The following ASH1L variants were observed in gnomAD, a reference collection of about 807,000 sequenced individuals.
The protein encoded by ASH1L is ASH1 like histone lysine methyltransferase, also known as histone-lysine N-methyltransferase ASH1L.
Under a neutral mutation model 269.0 loss-of-function variants are expected in ASH1L, and 23 were observed. That is an observed-to-expected ratio of 0.09 (90% CI 0.06 to 0.12). The LOEUF is 0.12. Ranked by LOEUF, ASH1L falls within the 10% of genes least tolerant of loss-of-function variation. The probability of loss-of-function intolerance (pLI) is 1.00; values close to 1 mark genes in which losing one functional copy is unlikely to be tolerated. For synonymous variants in ASH1L, 1,187 were observed against 1,253.5 expected (o/e 0.95, Z 1.12); for missense variants, 2,912 against 3,567.8 (o/e 0.82, Z 4.68).
intron 1 of ASH1L, among the ~76,000 whole-genome samples, chr1:155,537,674 A>G (rs1670148052): frequency 6.6e-6 from 1 of 152,204 alleles, no homozygotes; most frequent in African/African-American, 2.4e-5. Context: ...AAAATTCCTA[A>G]AAGAAAATGT....
intron 7 of ASH1L, among the ~76,000 whole-genome samples, chr1:155,380,358 C>T (rs1656826091): frequency 6.6e-6 from 1 of 151,936 alleles, no homozygotes; most frequent in African/African-American, 2.4e-5. Context: ...AGCAAAACTA[C>T]AACCAAAAAC....
intron 4 of ASH1L, among the ~76,000 whole-genome samples, chr1:155,449,434 CG>C (rs1386467297): frequency 1.1e-4 from 16 of 151,914 alleles, no homozygotes; most frequent in Admixed American, 6.6e-5. Flanking sequence ...TCTTTTAAAA[CG>C]TATCAAGACA....
chr1:155,434,027 C>T (rs1489871959), intron 5 of ASH1L: 2 of 1,590,760 alleles, frequency 1.3e-6, no homozygotes, highest in East Asian at 2.3e-5. Context: ...TAACCGGTGC[C>T]AGAAAGGCAA....
intron 2 of ASH1L, among the ~76,000 whole-genome samples, chr1:155,509,795 T>C (rs1041238265): frequency 6.6e-6 from 1 of 151,888 alleles, no homozygotes; most frequent in African/African-American, 2.4e-5. Context: ...CGAGACTCCA[T>C]CTCAAATGAT....
chr1:155,423,830 A>G (rs959411654), intron 5 of ASH1L, among the ~76,000 whole-genome samples: 1 of 152,126 alleles, frequency 6.6e-6, no homozygotes, highest in Non-Finnish European at 1.5e-5. Flanking sequence ...CCCAGGTTCA[A>G]GCAATTAACC....
At position 155,431,540 on chromosome 1, in the gene ASH1L, C is replaced by T. The variant is rs535011176; in HGVS notation, c.5828+6787G>A. On this transcript the variant is annotated intron_variant, in intron 5 of 27. Coordinates refer to ENST00000392403, the MANE Select transcript of ASH1L (RefSeq NM_018489.3). ...CTTTGGGAGGTCAAGTTGAGAGGAT[C>T]GCTTGAGTGCAGGAGTTCAAAACCA... Among the ~76,000 whole-genome samples, 6 of 152,098 alleles carry T rather than the reference C, an allele frequency of 3.9e-5. No individual in the cohort carries two copies. The South Asian group carries it at 8.3e-4, about 21-fold the overall frequency.
At chr1:155,382,551 T>C (rs962492418) in intron 7 of ASH1L, among the ~76,000 whole-genome samples, 1 of 152,000 alleles carries the variant, frequency 6.6e-6, no homozygotes, top group Non-Finnish European at 1.5e-5. Flanking sequence ...AAAAACAGTC[T>C]TAGGCAGATC....
intron 5 of ASH1L, among the ~76,000 whole-genome samples, chr1:155,437,962 C>A (rs1263807888): frequency 6.6e-6 from 1 of 152,178 alleles, no homozygotes; most frequent in Non-Finnish European, 1.5e-5. Context: ...AATTCTCCCT[C>A]CTCAGCCTCC....
chr1:155,493,828 C>T (rs537544175), intron 2 of ASH1L, among the ~76,000 whole-genome samples: 2 of 152,150 alleles, frequency 1.3e-5, no homozygotes, highest in African/African-American at 4.8e-5. Flanking sequence ...GAGCTGAGAT[C>T]GTGCCACTGC....
At position 155,481,582 on chromosome 1, in the gene ASH1L, G is replaced by A; in HGVS notation, c.1288C>T (p.Leu430Phe). ...DAINLKAEALLPTQEPLKASC... is the reference protein window; with the variant it reads ...DAINLKAEALFPTQEPLKASC... ...GCCTTAAGCGGTTCCTGAGTGGGGA[G>A]CAGTGCTTCGGCTTTAAGGTTTATG... Residue 430 changes from leucine (L) to phenylalanine (F), a missense_variant, in exon 3 of 28, where the codon CTC becomes TTC. Transcript: ENST00000392403. 1.2e-6 allele frequency: 2 copies of A among 1,614,170 alleles called. No individual in the cohort carries two copies. Among genetic ancestry groups the A allele is most frequent in the East Asian group, 2.2e-5 (1 of 44,890 alleles).
intron 17 of ASH1L, among the ~76,000 whole-genome samples, chr1:155,351,244 C>CAA (rs1216704261): frequency 2.2e-4 from 21 of 96,310 alleles, no homozygotes; most frequent in African/African-American, 6.5e-4. Flanking sequence ...GACTCTGTCT[C>CAA]AAAAAAAAAA....
In ASH1L at chr1:155,481,534, T is replaced by C. The variant is rs1246745250; in HGVS notation, c.1336A>G (p.Asn446Asp). Residue 446 changes from asparagine (N) to aspartate (D), a missense_variant, in exon 3 of 28, where the codon AAT (asparagine) becomes GAT (aspartate). Around this residue, in one of 13 missense-constraint regions of ASH1L, gnomAD observed 715 missense variants for 721.0 expected, o/e 0.99. Transcript: ENST00000392403. ...TCAGAAAGTTCCTGACTTTCCTGAT[T>C]ATTGATGTTTGTACTACAAGAAGCC... ...LKASCSTNINNQESQELSESL... is the reference protein window; with the variant it reads ...LKASCSTNINDQESQELSESL... The C allele has an allele frequency of 1.2e-6, 2 of 1,614,058 alleles. No homozygotes were observed. The highest frequency in any genetic ancestry group is 4.5e-5 in the East Asian group (2 of 44,902).
intron 6 of ASH1L, among the ~76,000 whole-genome samples, chr1:155,408,234 C>T (rs1422899167): frequency 6.6e-6 from 1 of 152,176 alleles, no homozygotes; most frequent in Non-Finnish European, 1.5e-5. Context: ...TAAGCCAAGA[C>T]TAAACTGGAA....
chr1:155,432,864 T>C (rs1661710814), intron 5 of ASH1L, among the ~76,000 whole-genome samples: 1 of 152,148 alleles, frequency 6.6e-6, no homozygotes, highest in Admixed American at 6.6e-5. Context: ...GCCTCCCAAG[T>C]AGCTGGGACC....
intron 3 of ASH1L, among the ~76,000 whole-genome samples, chr1:155,466,208 GC>G (rs1664687932): frequency 6.6e-6 from 1 of 151,976 alleles, no homozygotes; most frequent in Admixed American, 6.6e-5. Flanking sequence ...CAAAAAATTA[GC>G]CAGGCGTGGT....
At chr1:155,363,276 C>A (rs1054885418) in intron 12 of ASH1L, among the ~76,000 whole-genome samples, 32 of 152,220 alleles carry the variant, frequency 2.1e-4, no homozygotes, top group African/African-American at 7.5e-4. Flanking sequence ...AGCCACCGCG[C>A]CTGGCTAATT....
intron 1 of ASH1L, among the ~76,000 whole-genome samples, chr1:155,526,749 TCTGA>T (rs1669288954): frequency 6.6e-6 from 1 of 152,210 alleles, no homozygotes; most frequent in South Asian, 2.1e-4. Flanking sequence ...GTTCCTATAG[TCTGA>T]CTGCCTTCCT....
Position 155,343,333 on chromosome 1 carries a change from G to A in ASH1L, c.8274C>T (p.Asp2758=), listed in dbSNP as rs759365830. ...EAVVGTCCVL[D]LYTYCKGRPK... ...ACTTACCTTTACAATACGTATAAAG[G>A]TCCAACACACAGCAGGTCCCCACTA... The change falls in exon 24 of 28, where the codon GAC becomes GAT. Residue 2758 remains aspartate (D), a synonymous_variant. Transcript: ENST00000392403. The surrounding 1 kb of genome is among the most constrained non-coding windows in gnomAD (Gnocchi z 6.1). The A allele has an allele frequency of 3.7e-6, 6 of 1,613,724 alleles. No homozygotes were observed. The Admixed American group carries it at 6.7e-5, about 18-fold the overall frequency.
At chr1:155,464,157 A>G (rs1254431086) in intron 3 of ASH1L, among the ~76,000 whole-genome samples, 1 of 152,114 alleles carries the variant, frequency 6.6e-6, no homozygotes, top group Non-Finnish European at 1.5e-5. Context: ...ATGTTTGCTC[A>G]TGTCTCAAGA....
Sources: allele counts gnomAD v4.1 joint callset (sites outside exome capture counted in the v4.1 genomes callset), GRCh38; gene constraint gnomAD v4.1.1; regional missense constraint gnomAD v4.1.1; non-coding constraint Gnocchi (gnomAD v3.1); transcripts MANE v1.5; gene names NCBI Gene and HGNC (gene_info 2026-07-23, HGNC 2026-07-21).